Variants in WDR4 observed in about 807,000 individuals in gnomAD.
WDR4 encodes the protein WDR4 tRNA N7-guanosine methyltransferase non-catalytic subunit.
In WDR4, 47 loss-of-function variants were observed where a neutral mutation model predicts 48.6. That is an observed-to-expected ratio of 0.97 (90% CI 0.77 to 1.23). WDR4 has a LOEUF of 1.23. Ranked by LOEUF, WDR4 falls within the 50% of genes most tolerant of loss-of-function variation. WDR4 has a pLI of 0.00. For synonymous variants in WDR4, 268 were observed against 230.0 expected (o/e 1.17, Z -1.49); for missense variants, 606 against 551.6 (o/e 1.10, Z -0.99).
chr21:42,859,743 G>A (rs1194683251), intron 5 of WDR4, 21 bp from the exon 6 acceptor site: 20 of 1,553,650 alleles, frequency 1.3e-5, no homozygotes, highest in Middle Eastern at 3.3e-4. Context: ...GAGAGAGAGC[G>A]GCAGAGTCAG....
intron 6 of WDR4, among the ~76,000 whole-genome samples, chr21:42,858,182 A>C (rs774295777): frequency 6.6e-6 from 1 of 152,234 alleles, no homozygotes; most frequent in Non-Finnish European, 1.5e-5. Flanking sequence ...AACAGAAGGT[A>C]ATCATGTAAG....
intron 8 of WDR4, among the ~76,000 whole-genome samples, chr21:42,854,068 G>A (rs1309001315): frequency 1.3e-5 from 2 of 152,196 alleles, no homozygotes; most frequent in Admixed American, 6.5e-5. Flanking sequence ...CTTCCAGAAC[G>A]AGCTAAGAGA....
At chr21:42,888,915 G>A in the WDR4 span, among the ~76,000 whole-genome samples, 1 of 151,718 alleles carries the variant, frequency 6.6e-6, no homozygotes, top group South Asian at 2.1e-4. Context: ...CGTTGGCCAG[G>A]CTGGTCTCGA....
At chr21:42,891,813 C>T in the WDR4 span, among the ~76,000 whole-genome samples, 2 of 151,816 alleles carry the variant, frequency 1.3e-5, no homozygotes, top group African/African-American at 2.4e-5. Flanking sequence ...AAAAATTAGC[C>T]GGGCGTGGTG....
Position 42,862,939 on chromosome 21 carries a change from G to A in WDR4, c.453+501C>T, listed in dbSNP as rs552045629. ...CTCCAGGTGTGTGTCTGTGACACAC[G>A]GGGCACACAGAGTGGGGTGACAGGG... On this transcript the variant is annotated intron_variant, in intron 4 of 10. Transcript: ENST00000398208. This position sits in a 1 kb window ranked among gnomAD's most constrained non-coding sequence, Gnocchi z 4.3. Among the ~76,000 whole-genome samples, 78 of 152,304 alleles carry A rather than the reference G, an allele frequency of 5.1e-4. No homozygotes were observed. The highest frequency in any genetic ancestry group is 1.8e-3 in the African/African-American group (74 of 41,572).
chr21:42,856,910 T>C (rs1402946557), intron 6 of WDR4, among the ~76,000 whole-genome samples: 1 of 151,872 alleles, frequency 6.6e-6, no homozygotes, highest in Non-Finnish European at 1.5e-5. Flanking sequence ...AGATGTTTAA[T>C]AACCATGAAC....
At chr21:42,863,836 G>T in intron 3 of WDR4, among the ~76,000 whole-genome samples, 1 of 150,426 alleles carries the variant, frequency 6.6e-6, no homozygotes, top group East Asian at 1.9e-4. Flanking sequence ...GCCGGGCGCA[G>T]TGGCTCACAC....
chr21:42,883,377 T>TA (rs1284328181), upstream of WDR4, among the ~76,000 whole-genome samples: 25 of 145,558 alleles, frequency 1.7e-4, no homozygotes, highest in East Asian at 6.0e-4. Flanking sequence ...GTCCTTCAGT[T>TA]AAAAAAAAAA....
chr21:42,876,232 G>A (rs182310937), intron 2 of WDR4, among the ~76,000 whole-genome samples: 1,072 of 29,310 alleles, frequency 0.037, 22 homozygotes, highest in Non-Finnish European at 0.057. Flanking sequence ...TTTTTTTTGG[G>A]AGACAGAGTC....
the WDR4 span, among the ~76,000 whole-genome samples, chr21:42,885,084 T>A: frequency 6.6e-6 from 1 of 152,158 alleles, no homozygotes; most frequent in Non-Finnish European, 1.5e-5. Context: ...ACACATATTA[T>A]GTTTCTAAAT....
At chr21:42,844,507 A>C (rs1323410150), downstream of WDR4, among the ~76,000 whole-genome samples, 1 of 152,232 alleles carries the variant, frequency 6.6e-6, no homozygotes, top group Non-Finnish European at 1.5e-5. Flanking sequence ...AGGCCTCGGG[A>C]GAACCTCCAC....
intron 9 of WDR4, among the ~76,000 whole-genome samples, chr21:42,852,843 A>T (rs1028616365): frequency 6.6e-6 from 1 of 150,952 alleles, no homozygotes; most frequent in African/African-American, 2.5e-5. Context: ...TGAACCCGGG[A>T]GGCGGAGGTC....
intron 1 of WDR4, chr21:42,878,982 C>A: frequency 1.0e-6 from 1 of 1,001,626 alleles, no homozygotes; most frequent in South Asian, 4.5e-5. Flanking sequence ...GTAAGCCCCT[C>A]CCTTCTCACC....
chr21:42,861,817 G>A (rs9977424), intron 5 of WDR4, among the ~76,000 whole-genome samples: 98,494 of 152,140 alleles, frequency 0.65, 33,748 homozygotes, highest in African/African-American at 0.87. Context: ...TGTGAGACAG[G>A]AGCGGGCATT....
chr21:42,864,235 G>A (rs2058195944), intron 3 of WDR4, among the ~76,000 whole-genome samples: 1 of 151,576 alleles, frequency 6.6e-6, no homozygotes. Flanking sequence ...ATCAAGAAAT[G>A]GGGGAATGGT....
chr21:42,862,329 C>A lies in WDR4; in HGVS notation c.519G>T (p.Trp173Cys). 6.2e-7 allele frequency: 1 copy of A among 1,611,980 alleles called. No homozygotes were observed. The highest frequency in any genetic ancestry group is 8.5e-7 in the Non-Finnish European group (1 of 1,179,300). The change falls in exon 5 of 11, where the codon TGG becomes TGT. Residue 173 changes from tryptophan (W) to cysteine (C), a missense_variant. By Grantham distance (215) the Trp-to-Cys change is radical. Coordinates refer to ENST00000398208, the MANE Select transcript of WDR4 (RefSeq NM_018669.6). This position sits in a 1 kb window ranked among gnomAD's most constrained non-coding sequence, Gnocchi z 4.3. ...ACTCGATGCTATGGGGCGCCGCGGC[C>A]CAGCTGACTCGGATCTTCTCGTCCC... is the stretch of plus-strand genomic sequence containing the variant. ...ADRDEKIRVS[W>C]AAAPHSIESF... is the part of the protein sequence containing the mutation.
intron 11 of WDR4, among the ~76,000 whole-genome samples, chr21:42,843,628 C>G (rs1019161697): frequency 1.3e-5 from 2 of 151,614 alleles, no homozygotes; most frequent in African/African-American, 2.4e-5. Flanking sequence ...GGCTGGAGTA[C>G]AGTGGCGCGA....
chr21:42,854,430 G>C, intron 8 of WDR4, 132 bp downstream of exon 8: 1 of 842,486 alleles, frequency 1.2e-6, no homozygotes. Context: ...CATTCTCAGA[G>C]GGAGGTGCTA....
intron 6 of WDR4, among the ~76,000 whole-genome samples, chr21:42,856,485 G>C (rs1054196012): frequency 4.6e-5 from 7 of 152,118 alleles, no homozygotes; most frequent in African/African-American, 1.4e-4. Context: ...GCTCACTGCA[G>C]CCTCTGACTC....
Sources: gnomAD v4.1 joint callset for allele counts (sites outside exome capture counted in the v4.1 genomes callset) on GRCh38, gnomAD v4.1.1 for gene constraint, Gnocchi (gnomAD v3.1) non-coding constraint, MANE v1.5 for transcripts, NCBI Gene and HGNC (gene_info 2026-07-23, HGNC 2026-07-21) for gene names.